CSMD1: variants seen among roughly 807,000 people sequenced by gnomAD.
CSMD1 encodes CUB and sushi domain-containing protein 1.
In CSMD1, 213 loss-of-function variants were observed where a neutral mutation model predicts 417.5. The ratio of observed to expected loss-of-function variants is 0.51; its 90% CI spans 0.46 to 0.57. The LOEUF (loss-of-function observed/expected upper bound fraction) is 0.57. Among genes scored for constraint, CSMD1 ranks in the 20% least tolerant of loss-of-function variants. The pLI is 0.00. For synonymous variants in CSMD1, 2,862 were observed against 1,736.8 expected, an observed-to-expected ratio of 1.65 and a Z score of -16.11; for missense variants, 6,923 against 4,529.7, an observed-to-expected ratio of 1.53 and a Z score of -15.17.
intron 3 of CSMD1, among the ~76,000 whole-genome samples, chr8:4,220,686 A>C (rs769108316): frequency 6.6e-6 from 1 of 152,188 alleles, no homozygotes; most frequent in African/African-American, 2.4e-5. Flanking sequence ...GAAAGGGAAG[A>C]TCAAGAACAT....
At chr8:2,957,407 A>C (rs1457765460) in intron 63 of CSMD1, among the ~76,000 whole-genome samples, 1 of 152,016 alleles carries the variant, frequency 6.6e-6, no homozygotes, top group Non-Finnish European at 1.5e-5. Context: ...GTGCCTGAGA[A>C]TCTCCTGGAG....
chr8:4,186,416 A>C (rs912184784), intron 3 of CSMD1, among the ~76,000 whole-genome samples: 1 of 152,170 alleles, frequency 6.6e-6, no homozygotes, highest in African/African-American at 2.4e-5. Flanking sequence ...TCCCTGACAC[A>C]CTGAGAGTAA....
At chr8:4,765,012 C>T (rs924603561) in intron 1 of CSMD1, among the ~76,000 whole-genome samples, 3 of 151,240 alleles carry the variant, frequency 2.0e-5, no homozygotes, top group African/African-American at 4.9e-5. Flanking sequence ...ATGGCTATTT[C>T]TTGTTTAATT....
At position 4,445,669 on chromosome 8, in the gene CSMD1, A is replaced by G. The variant is rs541737803; in HGVS notation, c.303-25604T>C. Among the ~76,000 whole-genome samples, 6 of 152,296 alleles carry G rather than the reference A, an allele frequency of 3.9e-5. No homozygotes were observed. In the South Asian group the frequency reaches 1.2e-3, roughly 32 times the overall value. On this transcript the variant is annotated intron_variant, in intron 2 of 69. Coordinates refer to ENST00000635120, the MANE Select transcript of CSMD1 (RefSeq NM_033225.6). ...AGTAAGGTTATTGAAGCCACTAGAG[A>G]ACATTACATTGTCACTTTCCCACAA...
In CSMD1 at chr8:2,963,446, G is replaced by A. The variant is rs188363352; in HGVS notation, c.9281-51C>T. 3.8e-5 allele frequency: 60 copies of A among 1,571,826 alleles called. 1 individual carries two copies. In the Middle Eastern group the frequency reaches 5.1e-4, roughly 13 times the overall value. On this transcript the variant is annotated intron_variant, in intron 59 of 69. Coordinates refer to ENST00000635120, the MANE Select transcript of CSMD1 (RefSeq NM_033225.6). Reference sequence around the variant, plus strand: ...AACATTCCGGAGCTCCCGCTGCAGCGGTGATGTTCAAACGATTCCCATTTT... The same window carrying A: ...AACATTCCGGAGCTCCCGCTGCAGCAGTGATGTTCAAACGATTCCCATTTT...
chr8:4,664,324 C>G (rs1203231047), intron 1 of CSMD1, among the ~76,000 whole-genome samples: 1 of 152,180 alleles, frequency 6.6e-6, no homozygotes, highest in Admixed American at 6.5e-5. Context: ...CTGTGGAAGG[C>G]TGAGGCGGGC....
chr8:3,505,686 G>C (rs989158253), intron 10 of CSMD1, among the ~76,000 whole-genome samples: 2 of 152,112 alleles, frequency 1.3e-5, no homozygotes, highest in Non-Finnish European at 2.9e-5. Flanking sequence ...AACCGTAGAG[G>C]TACTGGACCA....
At chr8:4,067,563 T>A (rs1265737710) in intron 3 of CSMD1, among the ~76,000 whole-genome samples, 2 of 152,174 alleles carry the variant, frequency 1.3e-5, no homozygotes, top group African/African-American at 2.4e-5. Context: ...AAAGCCAGAA[T>A]AAGTTTCAAC....
intron 7 of CSMD1, among the ~76,000 whole-genome samples, chr8:3,627,518 C>T (rs1796554900): frequency 6.6e-6 from 1 of 152,078 alleles, no homozygotes. Flanking sequence ...ATATATGAGA[C>T]TACTTTTAGT....
At chr8:3,879,402 G>A (rs1409981449) in intron 5 of CSMD1, among the ~76,000 whole-genome samples, 1 of 152,110 alleles carries the variant, frequency 6.6e-6, no homozygotes, top group Non-Finnish European at 1.5e-5. Context: ...TGTAGCACAA[G>A]CCAATTAATC....
chr8:3,412,968 G>A (rs73657854), intron 12 of CSMD1, among the ~76,000 whole-genome samples: 1 of 152,042 alleles, frequency 6.6e-6, no homozygotes, highest in East Asian at 1.9e-4. Context: ...GCACAAATCT[G>A]TGCAGTCAGG....
intron 5 of CSMD1, among the ~76,000 whole-genome samples, chr8:3,938,400 G>C (rs1171857857): frequency 6.6e-6 from 1 of 152,186 alleles, no homozygotes; most frequent in Admixed American, 6.6e-5. Context: ...TGGTAGGCTA[G>C]TTTTGATTTG....
At chr8:4,465,160 C>T (rs552636689) in intron 2 of CSMD1, among the ~76,000 whole-genome samples, 1 of 152,262 alleles carries the variant, frequency 6.6e-6, no homozygotes, top group Admixed American at 6.5e-5. Flanking sequence ...AACTATGTCA[C>T]TTTATGTCAC....
intron 3 of CSMD1, among the ~76,000 whole-genome samples, chr8:4,112,682 T>C (rs1362178243): frequency 2.0e-5 from 3 of 152,186 alleles, no homozygotes; most frequent in Non-Finnish European, 2.9e-5. Flanking sequence ...CAAGCCCCTA[T>C]ATTTATATAT....
At chr8:4,446,905 G>C (rs553386826) in intron 2 of CSMD1, among the ~76,000 whole-genome samples, 10 of 151,124 alleles carry the variant, frequency 6.6e-5, no homozygotes, top group Non-Finnish European at 1.3e-4. Context: ...ACAGGCGTGA[G>C]CCATTGCGCC....
intron 3 of CSMD1, among the ~76,000 whole-genome samples, chr8:4,123,232 G>A (rs1802585522): frequency 6.6e-6 from 1 of 152,204 alleles, no homozygotes; most frequent in Non-Finnish European, 1.5e-5. Flanking sequence ...CACAGTTAAT[G>A]ACAGAAACAT....
At chr8:3,026,240 C>G (rs956201723) in intron 51 of CSMD1, among the ~76,000 whole-genome samples, 1 of 152,180 alleles carries the variant, frequency 6.6e-6, no homozygotes, top group Non-Finnish European at 1.5e-5. Context: ...TCCCCATCAG[C>G]AGCAGCAATA....
chr8:4,206,711 G>A (rs1800002600), intron 3 of CSMD1, among the ~76,000 whole-genome samples: 2 of 152,162 alleles, frequency 1.3e-5, no homozygotes, highest in African/African-American at 4.8e-5. Context: ...GTAATGGGAT[G>A]GCTGGGTCAA....
intron 12 of CSMD1, among the ~76,000 whole-genome samples, chr8:3,465,436 G>C (rs992051648): frequency 1.3e-5 from 2 of 152,144 alleles, no homozygotes; most frequent in African/African-American, 4.8e-5. Flanking sequence ...GGTGGGTAGA[G>C]TGGACCCAAG....
Sources: allele counts gnomAD v4.1 joint callset (sites outside exome capture counted in the v4.1 genomes callset), GRCh38; gene constraint gnomAD v4.1.1; transcripts MANE v1.5; gene names NCBI Gene and HGNC (gene_info 2026-07-23, HGNC 2026-07-21).